Variants in BAZ2B observed in about 807,000 individuals in gnomAD.
The protein encoded by BAZ2B is bromodomain adjacent to zinc finger domain protein 2B.
A neutral mutation model predicts 246.0 loss-of-function variants in BAZ2B; 91 were observed. The ratio of observed to expected loss-of-function variants is 0.37; its 90% CI spans 0.31 to 0.44. The LOEUF (loss-of-function observed/expected upper bound fraction) is 0.44. Among genes scored for constraint, BAZ2B ranks in the 20% least tolerant of loss-of-function variants. BAZ2B has a pLI of 1.00. For missense variants in BAZ2B, 2,332 were observed against 2,533.7 expected, an observed-to-expected ratio of 0.92 and a Z score of 1.71; for synonymous variants, 855 against 860.0, an observed-to-expected ratio of 0.99 and a Z score of 0.10.
At chr2:159,454,653 A>C (rs954336965) in intron 3 of BAZ2B, among the ~76,000 whole-genome samples, 31 of 152,240 alleles carry the variant, frequency 2.0e-4, no homozygotes, top group African/African-American at 7.5e-4. Context: ...GTGTATGACT[A>C]TACTTCTTAG....
the BAZ2B span, among the ~76,000 whole-genome samples, chr2:159,658,395 A>T: frequency 6.6e-6 from 1 of 152,128 alleles, no homozygotes. Flanking sequence ...GTGCAGTGGC[A>T]CAGTCATGGT....
chr2:159,672,969 A>G, the BAZ2B span, among the ~76,000 whole-genome samples: 3 of 152,198 alleles, frequency 2.0e-5, no homozygotes, highest in African/African-American at 7.2e-5. Flanking sequence ...CTTTATATAT[A>G]TGACTCAAAC....
At chr2:159,438,111 C>T in intron 8 of BAZ2B, 192 bp downstream of exon 8, 1 of 567,710 alleles carries the variant, frequency 1.8e-6, no homozygotes, top group Non-Finnish European at 3.0e-6. Context: ...GCCAAAAATA[C>T]ATTAAACAGA....
intron 31 of BAZ2B, among the ~76,000 whole-genome samples, chr2:159,343,686 C>T (rs1348792549): frequency 2.0e-5 from 3 of 151,728 alleles, no homozygotes. Flanking sequence ...CAAATCAAAG[C>T]CACAATGAGA....
At chr2:159,342,990 G>C (rs2067021277) in intron 31 of BAZ2B, among the ~76,000 whole-genome samples, 1 of 152,142 alleles carries the variant, frequency 6.6e-6, no homozygotes, top group Non-Finnish European at 1.5e-5. Flanking sequence ...AAAGCTGGAG[G>C]TATCAGACTA....
At chr2:159,624,124 G>A in the BAZ2B span, among the ~76,000 whole-genome samples, 1 of 152,210 alleles carries the variant, frequency 6.6e-6, no homozygotes, top group Non-Finnish European at 1.5e-5. Context: ...CAAGGCCTCT[G>A]TGGCCAGACT....
intron 1 of BAZ2B, among the ~76,000 whole-genome samples, chr2:159,568,077 C>G (rs1683074353): frequency 6.6e-6 from 1 of 152,156 alleles, no homozygotes; most frequent in Admixed American, 6.5e-5. Flanking sequence ...TCAGTACATT[C>G]ACAATGTTGT....
intron 23 of BAZ2B, 99 bp downstream of exon 23, chr2:159,385,056 G>T: frequency 8.2e-7 from 1 of 1,217,210 alleles, no homozygotes; most frequent in Non-Finnish European, 1.2e-6. Flanking sequence ...CTTTGTGCTA[G>T]TCTGTAACTT....
In BAZ2B at chr2:159,446,767, C is replaced by A; in HGVS notation, c.696+15G>T. The A allele has an allele frequency of 6.3e-7, 1 of 1,588,128 alleles. No homozygotes were observed. Among genetic ancestry groups the A allele is most frequent in the South Asian group, 1.2e-5 (1 of 85,266 alleles). On this transcript the variant is annotated intron_variant, in intron 6 of 36. Transcript: ENST00000392783. ...ATAGATCTGTTATATATTAGTCCTT[C>A]CAAGTACAACTTACCTTATCTTTGA...
chr2:159,571,790 G>A (rs1394472454), intron 1 of BAZ2B, among the ~76,000 whole-genome samples: 1 of 152,190 alleles, frequency 6.6e-6, no homozygotes, highest in East Asian at 1.9e-4. Context: ...CAGGATGGAA[G>A]GGCAAGGGAG....
chr2:159,670,431 A>C, the BAZ2B span, among the ~76,000 whole-genome samples: 2 of 152,296 alleles, frequency 1.3e-5, no homozygotes, highest in South Asian at 2.1e-4. Context: ...GCAGAACACT[A>C]TATCTCTTCT....
At chr2:159,650,152 T>C in the BAZ2B span, among the ~76,000 whole-genome samples, 1 of 152,140 alleles carries the variant, frequency 6.6e-6, no homozygotes, top group Non-Finnish European at 1.5e-5. Context: ...CAGAATACAC[T>C]TATAAGAAGT....
Position 159,348,721 on chromosome 2 carries a change from T to C in BAZ2B, c.5250A>G (p.Lys1750=). The change falls in exon 30 of 37, where the codon AAA becomes AAG. Residue 1750 remains lysine (K), a synonymous_variant. Coordinates refer to ENST00000392783, the MANE Select transcript of BAZ2B (RefSeq NM_013450.4). ...REKALQKQIQ[K]HLDYITQACL... Reference sequence around the variant, plus strand: ...AGGCTTGAGTAATATAATCCAAATGTTTCTGAATTTGTTTTTGTAATGCCT... The same window carrying C: ...AGGCTTGAGTAATATAATCCAAATGCTTCTGAATTTGTTTTTGTAATGCCT... 1 of 1,612,572 alleles carries C rather than the reference T, an allele frequency of 6.2e-7. No individual in the cohort carries two copies. The highest frequency in any genetic ancestry group is 8.5e-7 in the Non-Finnish European group (1 of 1,179,660).
intron 2 of BAZ2B, among the ~76,000 whole-genome samples, chr2:159,483,209 T>C (rs931110735): frequency 6.6e-6 from 1 of 152,168 alleles, no homozygotes; most frequent in African/African-American, 2.4e-5. Flanking sequence ...TTGGTCATTT[T>C]TTTTTGAGAA....
chr2:159,517,281 A>C (rs2083528648), intron 2 of BAZ2B, among the ~76,000 whole-genome samples: 1 of 152,096 alleles, frequency 6.6e-6, no homozygotes, highest in Non-Finnish European at 1.5e-5. Flanking sequence ...GTTAGCTTGA[A>C]AACTAAGTTT....
intron 1 of BAZ2B, among the ~76,000 whole-genome samples, chr2:159,581,230 AATCAAAC>A (rs1317390940): frequency 6.6e-6 from 1 of 152,212 alleles, no homozygotes; most frequent in Non-Finnish European, 1.5e-5. Flanking sequence ...AGAAAAAAAA[AATCAAAC>A]CACCACGTCA....
At chr2:159,477,183 C>A (rs536446093) in intron 3 of BAZ2B, among the ~76,000 whole-genome samples, 4 of 151,828 alleles carry the variant, frequency 2.6e-5, no homozygotes, top group Non-Finnish European at 5.9e-5. Context: ...TGGGCACCTG[C>A]GGTCCCAGCT....
At chr2:159,397,840 C>T (rs948282034) in intron 18 of BAZ2B, among the ~76,000 whole-genome samples, 2 of 108,790 alleles carry the variant, frequency 1.8e-5, no homozygotes, top group African/African-American at 5.7e-5. Flanking sequence ...CAAATATACT[C>T]TATAATTAAC....
chr2:159,571,598 T>C (rs1268791101), intron 1 of BAZ2B, among the ~76,000 whole-genome samples: 1 of 152,190 alleles, frequency 6.6e-6, no homozygotes, highest in Non-Finnish European at 1.5e-5. Flanking sequence ...GGAAAGGGGC[T>C]GAACACTGAG....
Sources: gnomAD v4.1 joint callset for allele counts (sites outside exome capture counted in the v4.1 genomes callset) on GRCh38, gnomAD v4.1.1 for gene constraint, MANE v1.5 for transcripts, NCBI Gene and HGNC (gene_info 2026-07-23, HGNC 2026-07-21) for gene names.